POTEI: variants seen among roughly 807,000 people sequenced by gnomAD.
The protein encoded by POTEI is POTE ankyrin domain family member I.
A neutral mutation model predicts 43.4 loss-of-function variants in POTEI; 14 were observed. The ratio of observed to expected loss-of-function variants is 0.32; its 90% confidence interval spans 0.21 to 0.50. The LOEUF is 0.50. POTEI is among the 20% of genes least tolerant of loss of function. The pLI, the probability that POTEI is intolerant of heterozygous loss-of-function variation, is 0.98. For missense variants in POTEI, 235 were observed against 795.4 expected (o/e 0.30, Z 8.47); for synonymous variants, 95 against 297.9 (o/e 0.32, Z 7.01).
At chr2:130,479,229 T>C (rs1408037125) in intron 10 of POTEI, among the ~76,000 whole-genome samples, 1 of 150,422 alleles carries the variant, frequency 6.6e-6, no homozygotes, top group Admixed American at 6.6e-5. Context: ...AAATGACTTC[T>C]ATTTAAAAGA....
chr2:130,464,695 A>T (rs2105045075), intron 14 of POTEI, among the ~76,000 whole-genome samples: 1 of 151,072 alleles, frequency 6.6e-6, no homozygotes, highest in East Asian at 2.0e-4. Context: ...CAGTTATAAG[A>T]ATTACATTTA....
chr2:130,505,032 C>T (rs1210494014), intron 1 of POTEI, among the ~76,000 whole-genome samples: 1 of 145,438 alleles, frequency 6.9e-6, no homozygotes, highest in Non-Finnish European at 1.5e-5. Context: ...AGCCCAGTAC[C>T]TGTTCATTCT....
intron 10 of POTEI, among the ~76,000 whole-genome samples, chr2:130,477,177 A>C (rs1966719): frequency 6.7e-6 from 1 of 148,272 alleles, no homozygotes; most frequent in African/African-American, 2.5e-5. Flanking sequence ...TTTTTTATGA[A>C]CCAGGGTCTT....
intron 1 of POTEI, among the ~76,000 whole-genome samples, chr2:130,504,901 T>C (rs973920228): frequency 7.4e-6 from 1 of 134,598 alleles, no homozygotes; most frequent in African/African-American, 2.7e-5. Context: ...TGAAACTATT[T>C]GTGGAGCTTT....
chr2:130,508,792 C>A lies in POTEI; in HGVS notation c.444G>T (p.Trp148Cys). Reference sequence around the variant, plus strand: ...GATCCTTTCTGGCGACTTTACCCCACCAGGCAGCTCTGTGGAGCTTGTCCA... The same window carrying A: ...GATCCTTTCTGGCGACTTTACCCCAACAGGCAGCTCTGTGGAGCTTGTCCA... ...EDLDKLHRAA[W>C]WGKVARKDLI... is the part of the protein sequence containing the mutation. Residue 148 changes from tryptophan to cysteine, a missense_variant, in exon 1 of 15, where the codon TGG (tryptophan) becomes TGT (cysteine). By Grantham distance (215) the Trp-to-Cys change is radical. Transcript: ENST00000451531. 2 of 1,488,716 alleles carry A rather than the reference C, an allele frequency of 1.3e-6. No individual in the cohort carries two copies. Among genetic ancestry groups the A allele is most frequent in the Non-Finnish European group, 1.8e-6 (2 of 1,116,396 alleles). The allele number at this position is 1,488,716 out of a possible 1,614,324, so 92.2% of individuals were successfully genotyped here.
intron 1 of POTEI, among the ~76,000 whole-genome samples, chr2:130,504,776 T>C (rs1237697148): frequency 7.0e-6 from 1 of 143,320 alleles, no homozygotes; most frequent in East Asian, 2.1e-4. Context: ...ATGAATAGCA[T>C]GGGCTCATTT....
chr2:130,507,273 G>GT (rs869231280), intron 1 of POTEI, among the ~76,000 whole-genome samples: 1 of 4,456 alleles, frequency 2.2e-4, no homozygotes, highest in African/African-American at 6.2e-4. Flanking sequence ...AAAAAAAAAG[G>GT]ATATATATAT....
At chr2:130,507,388 AT>A in intron 1 of POTEI, among the ~76,000 whole-genome samples, 1 of 2,096 alleles carries the variant, frequency 4.8e-4, no homozygotes, top group Non-Finnish European at 0.1. Context: ...ATACATATGT[AT>A]ATATATGTAT....
intron 6 of POTEI, among the ~76,000 whole-genome samples, chr2:130,491,722 A>G (rs1683743381): frequency 1.0e-5 from 1 of 99,390 alleles, no homozygotes; most frequent in Non-Finnish European, 2.2e-5. Context: ...GCGCAATCTC[A>G]GCTCACTGCA....
intron 10 of POTEI, among the ~76,000 whole-genome samples, chr2:130,478,059 T>C (rs1558884477): frequency 2.1e-5 from 1 of 47,200 alleles, no homozygotes; most frequent in African/African-American, 8.5e-5. Flanking sequence ...TCAAAAGTGG[T>C]CCCGGGTCCT....
chr2:130,475,499 T>G (rs1171467195), intron 11 of POTEI, among the ~76,000 whole-genome samples: 60 of 68,268 alleles, frequency 8.8e-4, no homozygotes, highest in African/African-American at 2.1e-3. Context: ...TTAATTGAAA[T>G]TATATACTGT....
chr2:130,507,309 TATATATATACACACACACAC>T (rs1684198047), intron 1 of POTEI, among the ~76,000 whole-genome samples: 3 of 10,578 alleles, frequency 2.8e-4, no homozygotes, highest in East Asian at 3.3e-3. Context: ...TATATATATA[TATATATATACACACACACAC>T]ACACACACAT....
chr2:130,500,851 T>C (rs533931299), intron 3 of POTEI, among the ~76,000 whole-genome samples: 2,118 of 32,022 alleles, frequency 0.066, 698 homozygotes, highest in African/African-American at 0.17. Flanking sequence ...GTACCTCTAA[T>C]CATCTCAAAA....
At chr2:130,479,730 G>A (rs1235541537) in intron 10 of POTEI, among the ~76,000 whole-genome samples, 1 of 45,080 alleles carries the variant, frequency 2.2e-5, no homozygotes, top group African/African-American at 8.3e-5. Context: ...TAACCAGAAC[G>A]CCTTAATACT....
In POTEI at chr2:130,507,309, TATATATATAC is replaced by T. The variant is rs1558895859; in HGVS notation, c.521+1396_521+1405del. On this transcript the variant is annotated intron_variant, in intron 1 of 14. Transcript: ENST00000451531. ...ATATATATATATATATATATATATA[TATATATATAC>T]ACACACACACACACACACATATATA... 7.8e-3 allele frequency among the ~76,000 whole-genome samples: 83 copies of T among 10,576 alleles called. 2 individuals carry two copies. Among genetic ancestry groups the T allele is most frequent in the African/African-American group, 0.011 (80 of 7,530 alleles). The allele number at this position is 10,576 out of a possible 152,430, so 6.9% of individuals were successfully genotyped here. A position where few individuals can be genotyped will look rare whatever the true frequency, so the allele number is the denominator to read the frequency against.
At position 130,461,703 on chromosome 2, in the gene POTEI, T is replaced by A. The variant is rs936433941; in HGVS notation, c.*1113A>T. The A allele has an allele frequency of 2.7e-5, 4 of 150,848 alleles. No homozygotes were observed. The highest frequency in any genetic ancestry group is 7.3e-5 in the African/African-American group (3 of 40,950). 9.3% of individuals were successfully genotyped at this position (150,848 alleles called of 1,614,324 possible). The stretch of plus-strand genomic sequence containing the variant: ...TCCTGTCCAGTGAGATGGAACAGGA[T>A]CAGGGGCCTGCTTACAGAAGCAGTC... On this transcript the variant is annotated 3_prime_UTR_variant, in exon 15 of 15. Coordinates refer to ENST00000451531, the MANE Select transcript of POTEI (RefSeq NM_001277406.2).
intron 9 of POTEI, among the ~76,000 whole-genome samples, chr2:130,483,612 T>TTTTTTTG (rs1683474841): frequency 2.0e-5 from 2 of 100,300 alleles, no homozygotes; most frequent in Non-Finnish European, 1.9e-5. Flanking sequence ...TTTTTTTTTT[T>TTTTTTTG]GAGACGGAGT....
At chr2:130,482,814 T>C (rs1207210113) in intron 9 of POTEI, among the ~76,000 whole-genome samples, 4 of 144,940 alleles carry the variant, frequency 2.8e-5, no homozygotes, top group African/African-American at 5.2e-5. Context: ...GAAAAACCAA[T>C]GGATGTTAAG....
At chr2:130,477,175 G>C (rs1486259530) in intron 10 of POTEI, among the ~76,000 whole-genome samples, 3 of 137,680 alleles carry the variant, frequency 2.2e-5, no homozygotes, top group African/African-American at 8.3e-5. Context: ...TTTTTTTTAT[G>C]AACCAGGGTC....
Sources: gnomAD v4.1 joint callset for allele counts (sites outside exome capture counted in the v4.1 genomes callset) on GRCh38, gnomAD v4.1.1 for gene constraint, MANE v1.5 for transcripts, NCBI Gene and HGNC (gene_info 2026-07-23, HGNC 2026-07-21) for gene names.